Variants in CACNA2D1 observed in about 807,000 individuals in gnomAD.
The protein encoded by CACNA2D1 is voltage-dependent calcium channel subunit alpha-2/delta-1.
CACNA2D1 carries 53 observed loss-of-function variants against 171.5 expected under a neutral mutation model. The ratio of observed to expected loss-of-function variants is 0.31; its 90% CI spans 0.25 to 0.39. The LOEUF (loss-of-function observed/expected upper bound fraction) is 0.39. CACNA2D1 is among the 10% of genes least tolerant of loss of function. The pLI, the probability that CACNA2D1 is intolerant of heterozygous loss-of-function variation, is 1.00. For synonymous variants in CACNA2D1, 442 were observed against 443.1 expected, an observed-to-expected ratio of 1.00 and a Z score of 0.03; for missense variants, 903 against 1,299.8, an observed-to-expected ratio of 0.69 and a Z score of 4.69.
At chr7:82,183,871 T>C (rs1797391812) in intron 3 of CACNA2D1, among the ~76,000 whole-genome samples, 1 of 152,168 alleles carries the variant, frequency 6.6e-6, no homozygotes, top group Non-Finnish European at 1.5e-5. Context: ...TAATGATTTG[T>C]CATCTCCAGC....
At chr7:81,961,078 C>G (rs1794057545) in intron 36 of CACNA2D1, among the ~76,000 whole-genome samples, 1 of 151,476 alleles carries the variant, frequency 6.6e-6, no homozygotes, top group South Asian at 2.1e-4. Context: ...TCTCAGATTA[C>G]CTCACCTCCT....
At chr7:82,110,659 A>T (rs1788271204) in intron 6 of CACNA2D1, among the ~76,000 whole-genome samples, 1 of 152,064 alleles carries the variant, frequency 6.6e-6, no homozygotes, top group South Asian at 2.1e-4. Context: ...GCTGATTATG[A>T]GCCCACCATG....
intron 10 of CACNA2D1, among the ~76,000 whole-genome samples, chr7:82,053,741 A>C (rs1271338713): frequency 1.3e-5 from 2 of 152,142 alleles, no homozygotes; most frequent in Non-Finnish European, 2.9e-5. Flanking sequence ...TTTCAATATT[A>C]CTTTTCTGCC....
chr7:82,190,178 C>T (rs1418374959), intron 3 of CACNA2D1, among the ~76,000 whole-genome samples: 1 of 151,724 alleles, frequency 6.6e-6, no homozygotes, highest in Non-Finnish European at 1.5e-5. Flanking sequence ...ATCTTAGTCA[C>T]TAAAATGATA....
intron 3 of CACNA2D1, among the ~76,000 whole-genome samples, chr7:82,308,542 A>G (rs1814025446): frequency 6.6e-6 from 1 of 152,164 alleles, no homozygotes; most frequent in South Asian, 2.1e-4. Context: ...GTTCAACTAA[A>G]TGGATCTTCC....
intron 12 of CACNA2D1, among the ~76,000 whole-genome samples, chr7:82,018,323 G>C (rs1800758877): frequency 6.6e-6 from 1 of 152,124 alleles, no homozygotes; most frequent in Non-Finnish European, 1.5e-5. Flanking sequence ...CAAGTGAATA[G>C]ATGCTTGAGT....
chr7:82,093,108 A>T (rs796830864), intron 6 of CACNA2D1, among the ~76,000 whole-genome samples: 1 of 152,222 alleles, frequency 6.6e-6, no homozygotes, highest in South Asian at 2.1e-4. Context: ...GTGTGCAAAA[A>T]CTATTCTCAC....
At chr7:81,976,180 G>A (rs76662310) in intron 24 of CACNA2D1, among the ~76,000 whole-genome samples, 2,810 of 152,174 alleles carry the variant, frequency 0.018, 93 homozygotes, top group African/African-American at 0.065. Context: ...ATCAGGTAGC[G>A]TGATGTCTCT....
intron 1 of CACNA2D1, among the ~76,000 whole-genome samples, chr7:82,389,148 TTA>T (rs534487749): frequency 5.7e-4 from 80 of 141,470 alleles, no homozygotes; most frequent in Middle Eastern, 3.7e-3. Context: ...ATATATATAT[TTA>T]TATATATATA....
At chr7:82,005,250 A>C (rs532244874) in intron 18 of CACNA2D1, 173 bp downstream of exon 18, 2 of 555,336 alleles carry the variant, frequency 3.6e-6, no homozygotes, top group East Asian at 6.0e-5. Flanking sequence ...AACTGCTTTC[A>C]CACTTTCATA....
intron 1 of CACNA2D1, among the ~76,000 whole-genome samples, chr7:82,370,417 A>T (rs2129448157): frequency 6.6e-6 from 1 of 151,876 alleles, no homozygotes; most frequent in East Asian, 1.9e-4. Context: ...AAATGATTAA[A>T]ATTAGTGATA....
chr7:82,165,553 T>G (rs977943656), intron 4 of CACNA2D1, among the ~76,000 whole-genome samples: 1 of 152,050 alleles, frequency 6.6e-6, no homozygotes, highest in Non-Finnish European at 1.5e-5. Flanking sequence ...TTAATATTTT[T>G]TATGCTGGTG....
intron 1 of CACNA2D1, among the ~76,000 whole-genome samples, chr7:82,391,087 T>C (rs1183744290): frequency 3.3e-5 from 5 of 152,128 alleles, no homozygotes; most frequent in African/African-American, 1.2e-4. Flanking sequence ...AACTGGCCCA[T>C]TAACAAATGT....
chr7:82,007,955 A>T (rs1799304138), intron 15 of CACNA2D1, among the ~76,000 whole-genome samples, 199 bp from the exon 16 acceptor site: 1 of 152,138 alleles, frequency 6.6e-6, no homozygotes, highest in Admixed American at 6.6e-5. Flanking sequence ...ATTAGGACCT[A>T]CTAGGCACCT....
intron 5 of CACNA2D1, among the ~76,000 whole-genome samples, chr7:82,129,070 C>A (rs1790665793): frequency 6.6e-6 from 1 of 152,130 alleles, no homozygotes; most frequent in Admixed American, 6.6e-5. Context: ...TATGTAACTT[C>A]ACACTTGCTC....
chr7:82,269,871 C>T (rs1416520320), intron 3 of CACNA2D1, among the ~76,000 whole-genome samples: 1 of 152,094 alleles, frequency 6.6e-6, no homozygotes, highest in Non-Finnish European at 1.5e-5. Flanking sequence ...AGTAGATGAA[C>T]AATGTTACCA....
intron 7 of CACNA2D1, among the ~76,000 whole-genome samples, chr7:82,069,368 T>C (rs1202335882): frequency 2.0e-5 from 3 of 152,148 alleles, no homozygotes; most frequent in African/African-American, 7.2e-5. Context: ...CAGGAAGATT[T>C]GGGGATGGGC....
At chr7:82,050,877 A>AAGC (rs954576070) in intron 10 of CACNA2D1, 11 of 436,100 alleles carry the variant, frequency 2.5e-5, no homozygotes, top group Admixed American at 1.4e-4. Context: ...AAACTGACAG[A>AAGC]AGCCCTAGGT....
At chr7:82,028,867 G>T (rs1246770964) in intron 12 of CACNA2D1, 1 of 152,598 alleles carries the variant, frequency 6.6e-6, no homozygotes, top group Non-Finnish European at 1.5e-5. Context: ...GTGGTTTCTT[G>T]AGATGGAATC....
Sources: allele counts gnomAD v4.1 joint callset (sites outside exome capture counted in the v4.1 genomes callset), GRCh38; gene constraint gnomAD v4.1.1; transcripts MANE v1.5; gene names NCBI Gene and HGNC (gene_info 2026-07-23, HGNC 2026-07-21).